Variants in KCNN2 observed in about 807,000 individuals in gnomAD.
The protein encoded by KCNN2 is potassium calcium-activated channel subfamily N member 2.
KCNN2 carries 24 observed loss-of-function variants against 55.5 expected under a neutral mutation model. The ratio of observed to expected loss-of-function variants is 0.43; its 90% confidence interval spans 0.31 to 0.61. KCNN2 has a LOEUF of 0.61. KCNN2 is among the 20% of genes least tolerant of loss of function. KCNN2 has a pLI of 0.08. For synonymous variants in KCNN2, 431 were observed against 336.1 expected, an observed-to-expected ratio of 1.28 and a Z score of -3.09; for missense variants, 754 against 853.6, an observed-to-expected ratio of 0.88 and a Z score of 1.45.
intron 2 of KCNN2, among the ~76,000 whole-genome samples, chr5:114,298,318 C>A (rs1017379074): frequency 6.6e-6 from 1 of 152,204 alleles, no homozygotes; most frequent in African/African-American, 2.4e-5. Context: ...CACAGGGGAA[C>A]CCTGCTCCGT....
At chr5:114,480,796 G>A (rs1414733906) in intron 5 of KCNN2, among the ~76,000 whole-genome samples, 2 of 152,056 alleles carry the variant, frequency 1.3e-5, no homozygotes, top group Non-Finnish European at 2.9e-5. Flanking sequence ...TGCAGAAAAG[G>A]CCATCAAAAA....
intron 3 of KCNN2, among the ~76,000 whole-genome samples, chr5:114,427,364 C>T (rs1759660681): frequency 6.6e-6 from 1 of 152,202 alleles, no homozygotes; most frequent in South Asian, 2.1e-4. Flanking sequence ...TCACTAGGAC[C>T]TTGGACCAAC....
At chr5:114,347,011 A>G (rs1284622117) in intron 2 of KCNN2, among the ~76,000 whole-genome samples, 1 of 152,212 alleles carries the variant, frequency 6.6e-6, no homozygotes, top group Non-Finnish European at 1.5e-5. Flanking sequence ...CTCATAGAAT[A>G]AAACACCCAT....
chr5:114,110,788 A>G (rs959382041), intron 1 of KCNN2, among the ~76,000 whole-genome samples: 1 of 152,184 alleles, frequency 6.6e-6, no homozygotes, highest in East Asian at 1.9e-4. Context: ...TCTTTCTGAA[A>G]TCATATCTAC....
exon 1 of KCNN2, chr5:114,056,217 C>G (rs545255942): frequency 5.1e-6 from 2 of 395,626 alleles, no homozygotes; most frequent in South Asian, 1.4e-4. Flanking sequence ...GCGCCCGCGC[C>G]CCGGAGCTCT....
chr5:114,354,598 A>T (rs1757266000), intron 2 of KCNN2, among the ~76,000 whole-genome samples: 1 of 152,194 alleles, frequency 6.6e-6, no homozygotes, highest in Admixed American at 6.5e-5. Flanking sequence ...TTAACCTCTG[A>T]ATCAAATAGC....
intron 6 of KCNN2, among the ~76,000 whole-genome samples, chr5:114,491,533 GAAA>G (rs1289351712): frequency 1.1e-5 from 1 of 91,756 alleles, no homozygotes; most frequent in Non-Finnish European, 2.3e-5. Context: ...TTTAAAAAAA[GAAA>G]AAAAAAAAAA....
chr5:114,297,100 A>G (rs918918854), intron 2 of KCNN2, among the ~76,000 whole-genome samples: 1 of 152,212 alleles, frequency 6.6e-6, no homozygotes, highest in African/African-American at 2.4e-5. Context: ...AATATAATGT[A>G]TTAAATATAG....
exon 2 of KCNN2, among the ~76,000 whole-genome samples, chr5:114,221,505 G>C (rs897976631): frequency 6.6e-6 from 1 of 152,152 alleles, no homozygotes; most frequent in Non-Finnish European, 1.5e-5. Context: ...ACTACAAAAG[G>C]ATGGACTCCA....
At chr5:114,367,602 G>A (rs1340717200) in intron 2 of KCNN2, among the ~76,000 whole-genome samples, 2 of 151,756 alleles carry the variant, frequency 1.3e-5, no homozygotes, top group African/African-American at 2.4e-5. Context: ...CCTACCTCAA[G>A]TCTCAAGGTC....
At chr5:114,165,031 A>T (rs573073440) in intron 1 of KCNN2, among the ~76,000 whole-genome samples, 1 of 152,314 alleles carries the variant, frequency 6.6e-6, no homozygotes, top group East Asian at 1.9e-4. Flanking sequence ...AACTTGCCTA[A>T]AGCCACACAG....
intron 4 of KCNN2, among the ~76,000 whole-genome samples, chr5:114,467,910 G>A (rs564863708): frequency 3.3e-5 from 5 of 152,248 alleles, no homozygotes; most frequent in East Asian, 3.9e-4. Flanking sequence ...GATTTAAACC[G>A]AGGGATGATT....
chr5:114,380,370 C>T (rs947549733), intron 2 of KCNN2, among the ~76,000 whole-genome samples: 4 of 152,192 alleles, frequency 2.6e-5, no homozygotes, highest in African/African-American at 4.8e-5. Context: ...TAAAATAATG[C>T]CCTGGCTCTC....
intron 1 of KCNN2, among the ~76,000 whole-genome samples, chr5:114,142,088 T>A (rs979604321): frequency 3.3e-5 from 5 of 152,212 alleles, no homozygotes; most frequent in African/African-American, 1.2e-4. Context: ...TGTTGCCAGT[T>A]CACTCTGATG....
intron 1 of KCNN2, among the ~76,000 whole-genome samples, chr5:114,143,384 G>A (rs1348055113): frequency 6.6e-6 from 1 of 152,136 alleles, no homozygotes; most frequent in African/African-American, 2.4e-5. Flanking sequence ...TGCAGCAAAA[G>A]CTGGTTACAA....
chr5:114,359,378 T>C (rs1757361973), upstream of KCNN2, among the ~76,000 whole-genome samples: 1 of 152,210 alleles, frequency 6.6e-6, no homozygotes, highest in Non-Finnish European at 1.5e-5. Context: ...TCTGAGATGA[T>C]TATTTCTACA....
At chr5:114,454,416 TTTACTGTTTGATGACAA>T (rs1760827968) in intron 3 of KCNN2, among the ~76,000 whole-genome samples, 1 of 152,038 alleles carries the variant, frequency 6.6e-6, no homozygotes, top group Admixed American at 6.6e-5. Flanking sequence ...AGGGTAAGGG[TTTACTGTTTGATGACAA>T]TCACTGTGGG....
chr5:114,383,831 A>G (rs1194878179), intron 2 of KCNN2, among the ~76,000 whole-genome samples: 3 of 152,188 alleles, frequency 2.0e-5, no homozygotes, highest in African/African-American at 7.2e-5. Flanking sequence ...TAATGAGGAA[A>G]ATTGTGATGC....
intron 1 of KCNN2, among the ~76,000 whole-genome samples, chr5:114,153,107 C>T (rs562801065): frequency 1.6e-4 from 25 of 152,206 alleles, no homozygotes; most frequent in East Asian, 7.7e-4. Flanking sequence ...GGTATCATTC[C>T]GTGAAACTGA....
Sources: gnomAD v4.1 joint callset for allele counts (sites outside exome capture counted in the v4.1 genomes callset) on GRCh38, gnomAD v4.1.1 for gene constraint, MANE v1.5 for transcripts, NCBI Gene and HGNC (gene_info 2026-07-23, HGNC 2026-07-21) for gene names.